Variants in PLCG2 observed in about 807,000 individuals in gnomAD.
The protein encoded by PLCG2 is phospholipase C gamma 2.
Under a neutral mutation model 175.6 loss-of-function variants are expected in PLCG2, and 69 were observed. The ratio of observed to expected loss-of-function variants is 0.39; its 90% CI spans 0.32 to 0.48. PLCG2 has a LOEUF of 0.48. Among genes scored for constraint, PLCG2 ranks in the 20% least tolerant of loss-of-function variants. The pLI is 0.91. For synonymous variants in PLCG2, 827 were observed against 624.0 expected (o/e 1.33, Z -4.85); for missense variants, 1,798 against 1,650.9 (o/e 1.09, Z -1.54).
chr16:81,787,227 A>C (rs1911011415), intron 2 of PLCG2, among the ~76,000 whole-genome samples: 1 of 151,834 alleles, frequency 6.6e-6, no homozygotes, highest in African/African-American at 2.4e-5. Flanking sequence ...TTTAAAACAA[A>C]ATTAATTTTT....
chr16:81,854,729 T>G, intron 3 of PLCG2, 142 bp downstream of exon 3: 2 of 746,864 alleles, frequency 2.7e-6, no homozygotes, highest in Non-Finnish European at 4.5e-6. Flanking sequence ...CCCTGCCCCT[T>G]TCTAGCTGTG....
At chr16:81,812,205 G>A (rs559775444) in intron 2 of PLCG2, among the ~76,000 whole-genome samples, 134 of 151,736 alleles carry the variant, frequency 8.8e-4, no homozygotes, top group African/African-American at 2.4e-3. Flanking sequence ...ACCTGCCACC[G>A]CGCCTGGCTA....
At chr16:81,859,020 A>G (rs1362609008) in intron 4 of PLCG2, 96 bp from the exon 5 acceptor site, 3 of 721,832 alleles carry the variant, frequency 4.2e-6, no homozygotes, top group South Asian at 1.7e-5. Flanking sequence ...TTTTGGTTCC[A>G]GTTCCTTTTG....
chr16:81,783,035 T>G, intron 1 of PLCG2: 3 of 437,998 alleles, frequency 6.8e-6, no homozygotes, highest in South Asian at 4.9e-5. Flanking sequence ...AAGCTGGAAG[T>G]AACTGGGACC....
At chr16:81,875,386 G>C (rs1186482783) in intron 7 of PLCG2, among the ~76,000 whole-genome samples, 1 of 152,152 alleles carries the variant, frequency 6.6e-6, no homozygotes, top group Non-Finnish European at 1.5e-5. Flanking sequence ...CTGAAGGCCT[G>C]TTTACTGCAG....
At chr16:81,898,249 A>G (rs1908984223) in intron 13 of PLCG2, 1 of 153,936 alleles carries the variant, frequency 6.5e-6, no homozygotes, top group Non-Finnish European at 1.4e-5. Context: ...CTGTAATCAA[A>G]CATTAATGCA....
upstream of PLCG2, chr16:81,779,247 G>GGGC (rs1910615879): frequency 6.6e-6 from 1 of 151,256 alleles, no homozygotes; most frequent in Admixed American, 6.6e-5. Flanking sequence ...GCGGTGCGGG[G>GGGC]GGCGGCCCCC....
At chr16:81,846,161 A>G (rs1241614491) in intron 2 of PLCG2, among the ~76,000 whole-genome samples, 2 of 152,166 alleles carry the variant, frequency 1.3e-5, no homozygotes, top group African/African-American at 2.4e-5. Context: ...TGCTCTCACT[A>G]GAAGAAATCT....
chr16:81,790,489 G>A (rs567763563), intron 2 of PLCG2, among the ~76,000 whole-genome samples: 1 of 152,292 alleles, frequency 6.6e-6, no homozygotes, highest in Admixed American at 6.5e-5. Context: ...CAGTGTCACC[G>A]CTCAGTCTCC....
intron 17 of PLCG2, 22 bp from the exon 18 acceptor site, chr16:81,910,498 T>C: frequency 6.2e-7 from 1 of 1,611,962 alleles, no homozygotes. Context: ...CTCCCAGCAC[T>C]GATGGCGTCC....
chr16:81,818,954 G>A (rs1904675807), intron 2 of PLCG2, among the ~76,000 whole-genome samples: 1 of 137,690 alleles, frequency 7.3e-6, no homozygotes, highest in Non-Finnish European at 1.5e-5. Flanking sequence ...CAGCTTTTTA[G>A]TGAGAACTTA....
At chr16:81,873,285 TC>T (rs1045990652) in intron 7 of PLCG2, among the ~76,000 whole-genome samples, 1 of 152,136 alleles carries the variant, frequency 6.6e-6, no homozygotes, top group African/African-American at 2.4e-5. Flanking sequence ...TACTCTTTAA[TC>T]CCCTCTCCTT....
chr16:81,785,788 C>G, intron 1 of PLCG2, 155 bp from the exon 2 acceptor site: 1 of 559,936 alleles, frequency 1.8e-6, no homozygotes, highest in Non-Finnish European at 3.2e-6. Context: ...TGCCTTAGCT[C>G]TCTGAGTGGC....
chr16:81,832,822 C>G (rs997828473), intron 2 of PLCG2, among the ~76,000 whole-genome samples: 1 of 152,234 alleles, frequency 6.6e-6, no homozygotes, highest in Admixed American at 6.5e-5. Context: ...ATCCTTGCAG[C>G]TAGTGGGAGA....
At chr16:81,880,838 CA>C in intron 7 of PLCG2, 71 bp from the exon 8 acceptor site, 1 of 1,439,234 alleles carries the variant, frequency 6.9e-7, no homozygotes, top group South Asian at 1.2e-5. Context: ...TTTTTAACAA[CA>C]AAAATCTTTC....
intron 7 of PLCG2, among the ~76,000 whole-genome samples, chr16:81,875,660 A>C (rs9932716): frequency 0.32 from 48,256 of 151,986 alleles, 7,815 homozygotes; most frequent in African/African-American, 0.33. Flanking sequence ...CTGTAATTTA[A>C]TACCTGGCTA....
At chr16:81,765,002 T>C (rs1207744923) in intron 2 of PLCG2, among the ~76,000 whole-genome samples, 1 of 151,870 alleles carries the variant, frequency 6.6e-6, no homozygotes, top group Non-Finnish European at 1.5e-5. Flanking sequence ...GGTGGGAGCA[T>C]TGGTTTAGCC....
intron 2 of PLCG2, among the ~76,000 whole-genome samples, chr16:81,798,057 C>A (rs1357000825): frequency 6.6e-6 from 1 of 152,106 alleles, no homozygotes; most frequent in Non-Finnish European, 1.5e-5. Context: ...CCTTGAACTT[C>A]TGACCTCAAG....
At chr16:81,806,953 TC>T (rs1343601030) in intron 2 of PLCG2, among the ~76,000 whole-genome samples, 1 of 152,030 alleles carries the variant, frequency 6.6e-6, no homozygotes, top group Non-Finnish European at 1.5e-5. Flanking sequence ...CTCAAGCTTT[TC>T]CTCCAGGGAG....
Sources: allele counts gnomAD v4.1 joint callset (sites outside exome capture counted in the v4.1 genomes callset), GRCh38; gene constraint gnomAD v4.1.1; transcripts MANE v1.5; gene names NCBI Gene and HGNC (gene_info 2026-07-23, HGNC 2026-07-21).